The following PLEKHA5 variants were observed in gnomAD, a reference collection of about 807,000 sequenced individuals.
PLEKHA5 encodes pleckstrin homology domain-containing family A member 5.
In PLEKHA5, 55 loss-of-function variants were observed where a neutral mutation model predicts 181.9. The observed-to-expected ratio is 0.30, with a 90% CI of 0.24 to 0.38. The LOEUF (loss-of-function observed/expected upper bound fraction) is 0.38, where lower values mean the gene tolerates loss of function less well. PLEKHA5 is among the 10% of genes least tolerant of loss of function. The pLI, the probability that PLEKHA5 is intolerant of heterozygous loss-of-function variation, is 1.00. For missense variants in PLEKHA5, 1,432 were observed against 1,549.5 expected (o/e 0.92, Z 1.27); for synonymous variants, 535 against 529.4 (o/e 1.01, Z -0.15).
At chr12:19,234,104 C>T (rs952902566) in intron 3 of PLEKHA5, among the ~76,000 whole-genome samples, 1 of 152,218 alleles carries the variant, frequency 6.6e-6, no homozygotes, top group African/African-American at 2.4e-5. Flanking sequence ...TTCTCTTTAA[C>T]AGGGCATCCT....
At chr12:19,222,788 A>T (rs1249470072) in intron 3 of PLEKHA5, among the ~76,000 whole-genome samples, 1 of 152,044 alleles carries the variant, frequency 6.6e-6, no homozygotes, top group Non-Finnish European at 1.5e-5. Context: ...GGTGAAGTGT[A>T]ATATAGTAGG....
intron 3 of PLEKHA5, among the ~76,000 whole-genome samples, chr12:19,212,550 G>A (rs111256169): frequency 0.094 from 14,242 of 151,776 alleles, 951 homozygotes; most frequent in African/African-American, 0.19. Context: ...GCATGGTGGC[G>A]GGTGCCTGTA....
At chr12:19,201,128 T>C (rs2073446439) in intron 3 of PLEKHA5, 2 of 152,042 alleles carry the variant, frequency 1.3e-5, no homozygotes, top group South Asian at 4.1e-4. Flanking sequence ...TCCAGAATTT[T>C]TAAAGAACTT....
chr12:19,210,102 G>A (rs528411735), intron 3 of PLEKHA5, among the ~76,000 whole-genome samples: 3 of 152,176 alleles, frequency 2.0e-5, no homozygotes, highest in African/African-American at 7.2e-5. Flanking sequence ...ACATTGACAT[G>A]GTTAAATTCT....
chr12:19,154,654 A>G (rs1565875850), intron 3 of PLEKHA5: 1 of 152,208 alleles, frequency 6.6e-6, no homozygotes, highest in Non-Finnish European at 1.5e-5. Flanking sequence ...AATGCCTTTC[A>G]CTTTTTGTGT....
At chr12:19,253,845 T>A (rs541181620) in intron 3 of PLEKHA5, 95 bp from the exon 4 acceptor site, 12 of 843,466 alleles carry the variant, frequency 1.4e-5, no homozygotes, top group Non-Finnish European at 2.3e-5. Context: ...AGGCTGGAAG[T>A]TTGAATTTCA....
intron 5 of PLEKHA5, among the ~76,000 whole-genome samples, chr12:19,256,301 C>G (rs898736849): frequency 3.3e-5 from 5 of 152,060 alleles, no homozygotes; most frequent in African/African-American, 9.7e-5. Flanking sequence ...GGTAAATAGG[C>G]ATTCGGTTTA....
chr12:19,289,835 G>A (rs2078015824), intron 13 of PLEKHA5, among the ~76,000 whole-genome samples: 1 of 151,990 alleles, frequency 6.6e-6, no homozygotes. Context: ...AGCACTAACA[G>A]TGACATTTCA....
At chr12:19,280,036 G>GT (rs869050795) in intron 11 of PLEKHA5, among the ~76,000 whole-genome samples, 566 of 54,516 alleles carry the variant, frequency 0.01, 84 homozygotes, top group African/African-American at 0.029. Context: ...AATGAAACCT[G>GT]TTTTTTTTTT....
intron 20 of PLEKHA5, among the ~76,000 whole-genome samples, chr12:19,334,829 AATATAT>A (rs56763101): frequency 0.026 from 485 of 18,510 alleles, 35 homozygotes; most frequent in East Asian, 0.26. Context: ...AAAAAAAAAA[AATATAT>A]ATATATATAT....
At chr12:19,350,794 C>A (rs1353195161) in intron 25 of PLEKHA5, among the ~76,000 whole-genome samples, 7 of 151,990 alleles carry the variant, frequency 4.6e-5, no homozygotes, top group African/African-American at 1.4e-4. Context: ...AACAAGAAAA[C>A]ACCTAAGTGG....
At chr12:19,153,331 A>G (rs571754818) in intron 3 of PLEKHA5, 2 of 152,122 alleles carry the variant, frequency 1.3e-5, no homozygotes, top group African/African-American at 2.4e-5. Context: ...AGTGAATTCC[A>G]TGAATTGCAT....
intron 21 of PLEKHA5, among the ~76,000 whole-genome samples, chr12:19,342,770 C>G (rs928628241): frequency 1.3e-5 from 2 of 151,884 alleles, no homozygotes. Context: ...GAGCAAGACT[C>G]TGTCTCAAAA....
intron 3 of PLEKHA5, among the ~76,000 whole-genome samples, chr12:19,166,542 CT>C (rs2044439550): frequency 6.6e-6 from 1 of 152,050 alleles, no homozygotes; most frequent in Middle Eastern, 3.2e-3. Flanking sequence ...CCTTTTATAC[CT>C]TACCTGACTA....
At chr12:19,346,184 C>T (rs2094320211) in intron 23 of PLEKHA5, among the ~76,000 whole-genome samples, 1 of 151,938 alleles carries the variant, frequency 6.6e-6, no homozygotes, top group Non-Finnish European at 1.5e-5. Flanking sequence ...GTTTCTTATA[C>T]TATGTAAAAT....
Position 19,346,408 on chromosome 12 carries a change from G to A in PLEKHA5, c.2709+520G>A, listed in dbSNP as rs542215673. 2.6e-4 allele frequency among the ~76,000 whole-genome samples: 40 copies of A among 152,216 alleles called. 1 individual carries two copies. In the South Asian group the frequency reaches 7.7e-3, roughly 29 times the overall value. ...TAATCCCAGCACTTTAGGAGGCCAAGGCAGGAGGATGTCTTGAGCCCAGGA... is the reference window on the plus strand; with the variant it reads ...TAATCCCAGCACTTTAGGAGGCCAAAGCAGGAGGATGTCTTGAGCCCAGGA... On this transcript the variant is annotated intron_variant, in intron 23 of 31. Coordinates refer to ENST00000429027, the MANE Select transcript of PLEKHA5 (RefSeq NM_001256470.2).
At chr12:19,189,542 G>A (rs1443561103) in intron 3 of PLEKHA5, among the ~76,000 whole-genome samples, 1 of 152,090 alleles carries the variant, frequency 6.6e-6, no homozygotes, top group Non-Finnish European at 1.5e-5. Flanking sequence ...GGGGGTCAGG[G>A]AGGAGTTGTG....
In PLEKHA5 at chr12:19,283,422, C is replaced by G; in HGVS notation, c.1456C>G (p.His486Asp). 6.2e-7 allele frequency: 1 copy of G among 1,614,070 alleles called. No homozygotes were observed. Among genetic ancestry groups the G allele is most frequent in the South Asian group, 1.1e-5 (1 of 91,084 alleles). Reference protein sequence around the residue: ...ESICSVTPSTHDKTLGPGAEE... With the variant: ...ESICSVTPSTDDKTLGPGAEE... Reference sequence around the variant, plus strand: ...TATCTGCAGTGTAACCCCTTCCACTCATGACAAGACATTAGGACCCGGAGC... The same window carrying G: ...TATCTGCAGTGTAACCCCTTCCACTGATGACAAGACATTAGGACCCGGAGC... Residue 486 changes from histidine to aspartate, a missense_variant, in exon 12 of 32, where the codon CAT becomes GAT. Around this residue, in one of 2 missense-constraint regions of PLEKHA5, gnomAD observed 1,143 missense variants for 1,168.4 expected, o/e 0.98. Transcript: ENST00000429027.
chr12:19,264,285 C>T lies in PLEKHA5; in HGVS notation c.611-1465C>T, dbSNP rs114197841. Among the ~76,000 whole-genome samples the T allele has an allele frequency of 1.6e-3, 251 of 152,146 alleles. 1 individual carries two copies. The highest frequency in any genetic ancestry group is 3.4e-3 in the Middle Eastern group (1 of 294). ...AGCTAGTTAGTGTTAGGCAGGAAAACGGCCTCACGTAATCTAGGGAAATCA... is the reference window on the plus strand; with the variant it reads ...AGCTAGTTAGTGTTAGGCAGGAAAATGGCCTCACGTAATCTAGGGAAATCA... On this transcript the variant is annotated intron_variant, in intron 7 of 31. Transcript: ENST00000429027.
Sources: allele counts gnomAD v4.1 joint callset (sites outside exome capture counted in the v4.1 genomes callset), GRCh38; gene constraint gnomAD v4.1.1; regional missense constraint gnomAD v4.1.1; transcripts MANE v1.5; gene names NCBI Gene and HGNC (gene_info 2026-07-23, HGNC 2026-07-21).